The following TUSC3 variants were observed in gnomAD, a reference collection of about 807,000 sequenced individuals.
TUSC3 encodes the protein dolichyl-diphosphooligosaccharide--protein glycosyltransferase subunit TUSC3.
A neutral mutation model predicts 44.8 loss-of-function variants in TUSC3; 45 were observed. The ratio of observed to expected loss-of-function variants is 1.00; its 90% CI spans 0.79 to 1.29. The LOEUF (loss-of-function observed/expected upper bound fraction) is 1.29, where lower values mean the gene tolerates loss of function less well. TUSC3 is among the 50% of genes most tolerant of loss of function. The probability of loss-of-function intolerance (pLI) is 0.00; values close to 1 mark genes in which losing one functional copy is unlikely to be tolerated. For missense variants in TUSC3, 519 were observed against 437.9 expected, an observed-to-expected ratio of 1.19 and a Z score of -1.65; for synonymous variants, 212 against 152.9, an observed-to-expected ratio of 1.39 and a Z score of -2.85.
chr8:15,620,903 T>G (rs1022457300), intron 1 of TUSC3, among the ~76,000 whole-genome samples: 7 of 152,142 alleles, frequency 4.6e-5, no homozygotes, highest in African/African-American at 7.2e-5. Flanking sequence ...AGATACATAT[T>G]TGGTATAAAT....
intron 1 of TUSC3, among the ~76,000 whole-genome samples, chr8:15,479,864 T>C (rs891698628): frequency 7.2e-5 from 11 of 152,150 alleles, no homozygotes; most frequent in Non-Finnish European, 8.8e-5. Context: ...TCAAACTGTC[T>C]CTGTTTGCAG....
At chr8:15,473,381 A>G (rs1410863528) in intron 1 of TUSC3, among the ~76,000 whole-genome samples, 1 of 152,236 alleles carries the variant, frequency 6.6e-6, no homozygotes, top group Non-Finnish European at 1.5e-5. Flanking sequence ...AGTAGAATAC[A>G]TGTCACTTTC....
At chr8:15,668,299 CA>C (rs1352002093) in intron 5 of TUSC3, among the ~76,000 whole-genome samples, 2 of 151,556 alleles carry the variant, frequency 1.3e-5, no homozygotes, top group Non-Finnish European at 3.0e-5. Flanking sequence ...GGGACTAGTA[CA>C]TTTTTTTTCT....
At chr8:15,779,830 G>A in the TUSC3 span, among the ~76,000 whole-genome samples, 1 of 152,100 alleles carries the variant, frequency 6.6e-6, no homozygotes, top group Admixed American at 6.5e-5. Flanking sequence ...CACCAAACTA[G>A]GCAGAAGGGA....
At chr8:15,650,288 A>G (rs1806832332) in intron 2 of TUSC3, among the ~76,000 whole-genome samples, 2 of 152,198 alleles carry the variant, frequency 1.3e-5, no homozygotes, top group African/African-American at 4.8e-5. Context: ...GCATTTTACT[A>G]AACATTATTG....
intron 2 of TUSC3, among the ~76,000 whole-genome samples, chr8:15,524,013 G>A (rs11787354): frequency 0.45 from 65,961 of 146,976 alleles, 14,949 homozygotes; most frequent in Admixed American, 0.5. Flanking sequence ...CTGAGATTGC[G>A]CCACTGCACT....
chr8:15,846,609 A>G, the TUSC3 span, among the ~76,000 whole-genome samples: 1 of 152,162 alleles, frequency 6.6e-6, no homozygotes, highest in African/African-American at 2.4e-5. Flanking sequence ...ACATAAGAAC[A>G]GAAAACCAAA....
chr8:15,811,865 C>G, the TUSC3 span, among the ~76,000 whole-genome samples: 1 of 151,694 alleles, frequency 6.6e-6, no homozygotes, highest in Non-Finnish European at 1.5e-5. Flanking sequence ...ATAAAATAGC[C>G]GAGCCAGTTC....
intron 2 of TUSC3, among the ~76,000 whole-genome samples, chr8:15,487,393 C>G (rs983417556): frequency 6.6e-6 from 1 of 152,110 alleles, no homozygotes; most frequent in Admixed American, 6.5e-5. Flanking sequence ...TATTTTCTGC[C>G]TCAATCAGTT....
rs1034765899 is a variant in TUSC3, at chr8:15,640,583, C to A, written c.309-10114C>A. On this transcript the variant is annotated intron_variant, in intron 2 of 10. Coordinates refer to ENST00000503731, the MANE Select transcript of TUSC3 (RefSeq NM_006765.4). ...TAGTTTTTCAGATCTGTAGAATAAG[C>A]CTCCCCTGCCCCTAAAGAATCTTAA... is the stretch of plus-strand genomic sequence containing the variant. Among the ~76,000 whole-genome samples, 3 of 152,138 alleles carry A rather than the reference C, an allele frequency of 2.0e-5. No homozygotes were observed. In the East Asian group the frequency reaches 5.8e-4, roughly 29 times the overall value.
At chr8:15,522,900 T>C (rs1801316927) in intron 2 of TUSC3, among the ~76,000 whole-genome samples, 1 of 152,096 alleles carries the variant, frequency 6.6e-6, no homozygotes, top group African/African-American at 2.4e-5. Context: ...GATGGTTTAT[T>C]TGAGAAGTGA....
At chr8:15,438,123 T>G (rs548196264) in intron 1 of TUSC3, among the ~76,000 whole-genome samples, 59 of 152,220 alleles carry the variant, frequency 3.9e-4, no homozygotes, top group African/African-American at 1.2e-3. Flanking sequence ...TGAGACGGAG[T>G]TTCACTCGTT....
intron 2 of TUSC3, among the ~76,000 whole-genome samples, chr8:15,637,944 A>G (rs1394721030): frequency 4.6e-5 from 7 of 152,042 alleles, no homozygotes; most frequent in East Asian, 1.9e-4. Flanking sequence ...GTTTCACTCT[A>G]TCACCAACCC....
At chr8:15,520,890 C>A (rs1344955717) in intron 2 of TUSC3, among the ~76,000 whole-genome samples, 1 of 152,116 alleles carries the variant, frequency 6.6e-6, no homozygotes, top group African/African-American at 2.4e-5. Context: ...AGCAAACCAC[C>A]CTTAACAATG....
intron 1 of TUSC3, among the ~76,000 whole-genome samples, chr8:15,583,329 T>C (rs980233624): frequency 2.0e-5 from 3 of 152,194 alleles, no homozygotes; most frequent in Admixed American, 6.5e-5. Context: ...TGTAATAAAA[T>C]GCGGAACTAA....
At chr8:15,450,834 A>G (rs1800188513) in intron 1 of TUSC3, among the ~76,000 whole-genome samples, 1 of 152,186 alleles carries the variant, frequency 6.6e-6, no homozygotes, top group African/African-American at 2.4e-5. Flanking sequence ...TAAAAGGGGA[A>G]TTCATAGAAC....
chr8:15,554,586 T>C (rs1225607632), intron 1 of TUSC3, among the ~76,000 whole-genome samples: 2 of 149,750 alleles, frequency 1.3e-5, no homozygotes, highest in East Asian at 2.0e-4. Flanking sequence ...TGTTGACTTT[T>C]GCATTTTACT....
chr8:15,685,172 C>T (rs1479098399), intron 6 of TUSC3, among the ~76,000 whole-genome samples: 1 of 152,114 alleles, frequency 6.6e-6, no homozygotes, highest in Non-Finnish European at 1.5e-5. Context: ...TGAGTGGCTT[C>T]CCTGCCGGTT....
chr8:15,493,808 C>T (rs569335362), intron 2 of TUSC3, among the ~76,000 whole-genome samples: 14 of 152,244 alleles, frequency 9.2e-5, no homozygotes, highest in African/African-American at 2.9e-4. Context: ...GACCAAGTAG[C>T]CAATTATAAC....
Sources: allele counts gnomAD v4.1 joint callset (sites outside exome capture counted in the v4.1 genomes callset), GRCh38; gene constraint gnomAD v4.1.1; transcripts MANE v1.5; gene names NCBI Gene and HGNC (gene_info 2026-07-23, HGNC 2026-07-21).